Variants in CLIP3 observed in about 807,000 individuals in gnomAD.
CLIP3 encodes CAP-Gly domain containing linker protein 3.
CLIP3 carries 15 observed loss-of-function variants against 59.4 expected under a neutral mutation model. The ratio of observed to expected loss-of-function variants is 0.25; its 90% CI spans 0.17 to 0.39. The LOEUF is 0.39. Among genes scored for constraint, CLIP3 ranks in the 10% least tolerant of loss-of-function variants. The pLI, the probability that CLIP3 is intolerant of heterozygous loss-of-function variation, is 1.00. For synonymous variants in CLIP3, 300 were observed against 321.6 expected (o/e 0.93, Z 0.72); for missense variants, 495 against 765.7 (o/e 0.65, Z 4.17).
chr19:36,024,325 G>A (rs1344259439), intron 7 of CLIP3, 71 bp downstream of exon 7: 7 of 1,343,462 alleles, frequency 5.2e-6, no homozygotes, highest in African/African-American at 1.4e-5. Context: ...GCCCGAGGAC[G>A]CAGCTCCAAG....
chr19:36,024,925 G>C (rs1029243292), intron 6 of CLIP3, among the ~76,000 whole-genome samples: 21 of 152,144 alleles, frequency 1.4e-4, no homozygotes, highest in African/African-American at 4.6e-4. Context: ...AATTAGCCGG[G>C]TGTGGTGGCG....
intron 6 of CLIP3, among the ~76,000 whole-genome samples, chr19:36,025,558 T>A (rs1338906655): frequency 2.1e-5 from 3 of 142,760 alleles, no homozygotes; most frequent in Non-Finnish European, 4.5e-5. Context: ...ACCACTGCAC[T>A]CCAGCCTGGA....
chr19:36,019,598 AT>A (rs200645934), intron 7 of CLIP3, among the ~76,000 whole-genome samples: 1,685 of 99,352 alleles, frequency 0.017, 43 homozygotes, highest in African/African-American at 0.061. Context: ...TTATTTATTT[AT>A]TTTATTTATT....
chr19:36,025,365 C>A (rs1485511715), intron 6 of CLIP3, among the ~76,000 whole-genome samples: 1 of 151,442 alleles, frequency 6.6e-6, no homozygotes, highest in Non-Finnish European at 1.5e-5. Flanking sequence ...CCGAGGTGGG[C>A]AGATCACCTG....
In CLIP3 at chr19:36,026,039, G is replaced by A. The variant is rs958585709; in HGVS notation, c.681+108C>T. 6.6e-6 allele frequency: 5 copies of A among 757,488 alleles called. No homozygotes were observed. Among genetic ancestry groups the A allele is most frequent in the Non-Finnish European group, 9.3e-6 (4 of 432,122 alleles). 46.9% of individuals were successfully genotyped at this position (757,488 alleles called of 1,614,324 possible). A position where few individuals can be genotyped will look rare whatever the true frequency, so the allele number is the denominator to read the frequency against. On this transcript the variant is annotated intron_variant, in intron 6 of 13. Transcript: ENST00000360535. This position sits in a 1 kb window ranked among gnomAD's most constrained non-coding sequence, Gnocchi z 6.3. ...TATTGCATTTGCTGAATGTACAGACGGCATTTGTAGTATTTGGGGAGTCAC... is the reference window on the plus strand; with the variant it reads ...TATTGCATTTGCTGAATGTACAGACAGCATTTGTAGTATTTGGGGAGTCAC...
chr19:36,025,526 G>T (rs1396244843), intron 6 of CLIP3, among the ~76,000 whole-genome samples: 1 of 151,542 alleles, frequency 6.6e-6, no homozygotes, highest in African/African-American at 2.4e-5. Context: ...GGTAGGCAGA[G>T]GTTGCAGTGA....
At chr19:36,017,516 G>T in intron 11 of CLIP3, 66 bp from the exon 12 acceptor site, 13 of 1,604,010 alleles carry the variant, frequency 8.1e-6, no homozygotes, top group Non-Finnish European at 9.4e-6. Flanking sequence ...TGAGAGCTGG[G>T]CCCCAGGGAT....
chr19:36,017,971 A>C lies in CLIP3; in HGVS notation c.1204T>G (p.Ser402Ala). 1 of 1,613,962 alleles carries C rather than the reference A, an allele frequency of 6.2e-7. No individual in the cohort carries two copies. The highest frequency in any genetic ancestry group is 8.5e-7 in the Non-Finnish European group (1 of 1,180,016). Residue 402 changes from serine (S) to alanine (A), a missense_variant, in exon 10 of 14, where the codon TCC becomes GCC. This residue lies in a region of CLIP3 where 179 missense variants were observed against 226.2 expected (regional missense o/e 0.79). Coordinates refer to ENST00000360535, the MANE Select transcript of CLIP3 (RefSeq NM_015526.3). ...EHKGKKKTPSSPSLGSLQQRD... is the reference protein window; with the variant it reads ...EHKGKKKTPSAPSLGSLQQRD... Reference sequence around the variant, plus strand: ...TGCTGCAAGCTGCCCAGAGATGGGGATGATGGGGTCTTCTTCTTGCCTAAG... The same window carrying C: ...TGCTGCAAGCTGCCCAGAGATGGGGCTGATGGGGTCTTCTTCTTGCCTAAG...
At chr19:36,028,090 AC>A (rs1395503990) in intron 2 of CLIP3, among the ~76,000 whole-genome samples, 1 of 151,826 alleles carries the variant, frequency 6.6e-6, no homozygotes, top group Non-Finnish European at 1.5e-5. Flanking sequence ...TAATCCCAGC[AC>A]TTTTGGAGGC....
In CLIP3 at chr19:36,016,158, C is replaced by CT; in HGVS notation, c.1643dup (p.Ter548=). ...PWMLRAEMQS[*] ...TCTCTTTGTCAGGTGTCCAGGGCCTCTAAGACTGCATCTCCGCCCTCAGCA... is the reference window on the plus strand; with the variant it reads ...TCTCTTTGTCAGGTGTCCAGGGCCTCTTAAGACTGCATCTCCGCCCTCAGCA... Residue 548 remains the stop codon, a frameshift_variant and stop_retained_variant, in exon 14 of 14, where the codon TAG becomes TAAG. Coordinates refer to ENST00000360535, the MANE Select transcript of CLIP3 (RefSeq NM_015526.3). LOFTEE classifies it high-confidence loss of function. The surrounding 1 kb of genome is among the most constrained non-coding windows in gnomAD (Gnocchi z 4.1). The CT allele has an allele frequency of 6.2e-7, 1 of 1,613,998 alleles. No homozygotes were observed. The highest frequency in any genetic ancestry group is 2.2e-5 in the East Asian group (1 of 44,884).
intron 2 of CLIP3, among the ~76,000 whole-genome samples, chr19:36,028,632 T>G (rs1176450357): frequency 1.3e-5 from 2 of 152,212 alleles, no homozygotes; most frequent in Non-Finnish European, 2.9e-5. Context: ...CTTTTAGAAC[T>G]GCAGTCACAT....
Position 36,026,039 on chromosome 19 carries a change from G to T in CLIP3, c.681+108C>A. On this transcript the variant is annotated intron_variant, in intron 6 of 13. Transcript: ENST00000360535. This position sits in a 1 kb window ranked among gnomAD's most constrained non-coding sequence, Gnocchi z 6.3. Reference sequence around the variant, plus strand: ...TATTGCATTTGCTGAATGTACAGACGGCATTTGTAGTATTTGGGGAGTCAC... The same window carrying T: ...TATTGCATTTGCTGAATGTACAGACTGCATTTGTAGTATTTGGGGAGTCAC... 1.3e-6 allele frequency: 1 copy of T among 757,606 alleles called. No homozygotes were observed. Among genetic ancestry groups the T allele is most frequent in the Non-Finnish European group, 2.3e-6 (1 of 432,114 alleles). The allele number at this position is 757,606 out of a possible 1,614,324, so 46.9% of individuals were successfully genotyped here.
In CLIP3 at chr19:36,019,037, A is replaced by G; in HGVS notation, c.1055-11T>C. ...CGGAGGCAAAGAGACCTAGGGGTACAGAATCCGAGCCTGGTGTTGTCCAAG... is the reference window on the plus strand; with the variant it reads ...CGGAGGCAAAGAGACCTAGGGGTACGGAATCCGAGCCTGGTGTTGTCCAAG... On this transcript the variant is annotated splice_polypyrimidine_tract_variant and intron_variant, in intron 8 of 13. Transcript: ENST00000360535. 1 of 1,583,508 alleles carries G rather than the reference A, an allele frequency of 6.3e-7. No homozygotes were observed. Among genetic ancestry groups the G allele is most frequent in the Non-Finnish European group, 8.6e-7 (1 of 1,163,174 alleles).
rs1968827186 is a variant in CLIP3, at chr19:36,017,424, C to G, written c.1478G>C (p.Gly493Ala). The G allele has an allele frequency of 2.5e-6, 4 of 1,614,158 alleles. No homozygotes were observed. Among genetic ancestry groups the G allele is most frequent in the Non-Finnish European group, 2.5e-6 (3 of 1,180,034 alleles). ...CACTTTTTTGGCTCCAACGCTGTCC[C>G]CGGGGGAATCAGTGGATCCGCCAAT... is the stretch of plus-strand genomic sequence containing the variant. ...QRIGGSTDSP[G>A]DSVGAKKVHQ... The change falls in exon 12 of 14, where the codon GGG (glycine) becomes GCG (alanine). Residue 493 changes from glycine to alanine, a missense_variant. Coordinates refer to ENST00000360535, the MANE Select transcript of CLIP3 (RefSeq NM_015526.3).
chr19:36,025,185 A>C (rs1348315622), intron 6 of CLIP3, among the ~76,000 whole-genome samples: 1 of 152,014 alleles, frequency 6.6e-6, no homozygotes, highest in Non-Finnish European at 1.5e-5. Context: ...CTGGGGGTGT[A>C]GGCAGTAGGG....
intron 6 of CLIP3, among the ~76,000 whole-genome samples, chr19:36,025,101 T>C (rs1011250480): frequency 6.9e-6 from 1 of 144,612 alleles, no homozygotes; most frequent in Non-Finnish European, 1.5e-5. Flanking sequence ...GGCAGAAAGG[T>C]GCAGACCACA....
At chr19:36,030,081 G>GGT (rs1264733448) in intron 2 of CLIP3, among the ~76,000 whole-genome samples, 1 of 152,022 alleles carries the variant, frequency 6.6e-6, no homozygotes, top group Non-Finnish European at 1.5e-5. Context: ...TTTGAGACAG[G>GGT]GTCTCACTGT....
chr19:36,017,396 A>G lies in CLIP3; in HGVS notation c.1506T>C (p.His502=). The G allele has an allele frequency of 6.2e-7, 1 of 1,614,066 alleles. No homozygotes were observed. Among genetic ancestry groups the G allele is most frequent in the Middle Eastern group, 1.6e-4 (1 of 6,062 alleles). The stretch of plus-strand genomic sequence containing the variant: ...CATCCCCTAACTCACTTGTCACTTG[A>G]TGCACTTTTTTGGCTCCAACGCTGT... ...PGDSVGAKKV[H]QVTMTQPKRT... The change falls in exon 12 of 14, where the codon CAT becomes CAC. Residue 502 remains histidine, a synonymous_variant. Coordinates refer to ENST00000360535, the MANE Select transcript of CLIP3 (RefSeq NM_015526.3).
intron 7 of CLIP3, among the ~76,000 whole-genome samples, chr19:36,021,962 TCCGCCTCC>T (rs1968962349): frequency 6.6e-6 from 1 of 152,076 alleles, no homozygotes; most frequent in Admixed American, 6.5e-5. Context: ...CACTGCAAGC[TCCGCCTCC>T]TGGGTTCATG....
Sources: allele counts gnomAD v4.1 joint callset (sites outside exome capture counted in the v4.1 genomes callset), GRCh38; gene constraint gnomAD v4.1.1; regional missense constraint gnomAD v4.1.1; non-coding constraint Gnocchi (gnomAD v3.1); transcripts MANE v1.5; gene names NCBI Gene and HGNC (gene_info 2026-07-23, HGNC 2026-07-21).